The following ARMC9 variants were observed in gnomAD, a reference collection of about 807,000 sequenced individuals.
ARMC9 encodes the protein armadillo repeat containing 9, also known as lisH domain-containing protein ARMC9.
In ARMC9, 94 loss-of-function variants were observed where a neutral mutation model predicts 107.0. The ratio of observed to expected loss-of-function variants is 0.88; its 90% CI spans 0.74 to 1.04. The LOEUF is 1.04. Ranked by LOEUF, ARMC9 falls within the 50% of genes least tolerant of loss-of-function variation. The pLI is 0.00. For synonymous variants in ARMC9, 380 were observed against 396.9 expected, an observed-to-expected ratio of 0.96 and a Z score of 0.51; for missense variants, 942 against 1,030.1, an observed-to-expected ratio of 0.91 and a Z score of 1.17.
intron 16 of ARMC9, among the ~76,000 whole-genome samples, chr2:231,279,876 T>A (rs1024378114): frequency 6.6e-6 from 1 of 152,182 alleles, no homozygotes; most frequent in Non-Finnish European, 1.5e-5. Flanking sequence ...ACACCAGCCC[T>A]ATCCACTGAT....
In ARMC9 at chr2:231,370,105, C is replaced by T; in HGVS notation, c.2414C>T (p.Ser805Phe). ...QQASRPGSTA[S>F]STRGLPSSQS... ...GCCAGCCGCCCCGGCTCCACAGCGT[C>T]CTCCACAAGGGGCCTGCCGAGTAAG... The change falls in exon 24 of 25, where the codon TCC becomes TTC. Residue 805 changes from serine (S) to phenylalanine (F), a missense_variant. Coordinates refer to ENST00000611582, the MANE Select transcript of ARMC9 (RefSeq NM_001352754.2). 1.3e-6 allele frequency: 2 copies of T among 1,532,554 alleles called. No homozygotes were observed. Among genetic ancestry groups the T allele is most frequent in the Non-Finnish European group, 1.7e-6 (2 of 1,144,610 alleles). 94.9% of individuals were successfully genotyped at this position (1,532,554 alleles called of 1,614,324 possible). A position where few individuals can be genotyped will look rare whatever the true frequency, so the allele number is the denominator to read the frequency against.
At chr2:231,365,603 G>A (rs2045781810) in intron 23 of ARMC9, among the ~76,000 whole-genome samples, 1 of 152,118 alleles carries the variant, frequency 6.6e-6, no homozygotes, top group Non-Finnish European at 1.5e-5. Flanking sequence ...ACCCAGAAAG[G>A]GGCAGAGGTG....
At chr2:231,295,591 T>C (rs1159788769) in intron 18 of ARMC9, 1 of 152,318 alleles carries the variant, frequency 6.6e-6, no homozygotes. Context: ...GCTCTTTCTT[T>C]CTGTAACTCC....
At chr2:231,230,915 T>C (rs1260519350) in intron 7 of ARMC9, among the ~76,000 whole-genome samples, 1 of 152,226 alleles carries the variant, frequency 6.6e-6, no homozygotes, top group Non-Finnish European at 1.5e-5. Flanking sequence ...CCCATGGATA[T>C]GGAGTGCTGA....
rs141792853 is a variant in ARMC9, at chr2:231,269,692, T to C, written c.1120-1290T>C. Among the ~76,000 whole-genome samples the C allele has an allele frequency of 5.8e-3, 888 of 152,306 alleles. 9 individuals carry two copies. Among genetic ancestry groups the C allele is most frequent in the African/African-American group, 0.021 (859 of 41,572 alleles). ...CCCTGCCCAGCCTCCCTAGCAGATGTCTTCATCTTTATTTTCTGACCCTTC... is the reference window on the plus strand; with the variant it reads ...CCCTGCCCAGCCTCCCTAGCAGATGCCTTCATCTTTATTTTCTGACCCTTC... On this transcript the variant is annotated intron_variant, in intron 12 of 24. Transcript: ENST00000611582.
rs2039280334 is a variant in ARMC9 at position 231,271,009 on chromosome 2, ACGAG to A, written c.1151_1154del (p.Ser384ThrfsTer38). 6.2e-7 allele frequency: 1 copy of A among 1,614,090 alleles called. No homozygotes were observed. The highest frequency in any genetic ancestry group is 1.1e-5 in the South Asian group (1 of 91,080). On this transcript the variant is annotated frameshift_variant, in exon 13 of 25. Transcript: ENST00000611582. LOFTEE classifies it high-confidence loss of function. ...GAGTGTGCTTCAGTTGCTGCACTCC[ACGAG>A]CGACGTGGTGCGGCAGTACATGGCC...
intron 19 of ARMC9, among the ~76,000 whole-genome samples, chr2:231,300,071 G>A (rs180692714): frequency 3.3e-5 from 5 of 152,330 alleles, no homozygotes; most frequent in African/African-American, 1.2e-4. Flanking sequence ...CACCCCCAGT[G>A]ACTCAGGTTT....
chr2:231,210,985 A>T (rs2032762559), intron 3 of ARMC9, among the ~76,000 whole-genome samples: 1 of 152,200 alleles, frequency 6.6e-6, no homozygotes, highest in South Asian at 2.1e-4. Flanking sequence ...GATATGTCAT[A>T]TAAATGGAAT....
At chr2:231,203,788 C>T (rs905213625) in intron 1 of ARMC9, among the ~76,000 whole-genome samples, 3 of 152,058 alleles carry the variant, frequency 2.0e-5, no homozygotes, top group South Asian at 2.1e-4. Context: ...GGTAAAACCC[C>T]GTCTCTACTA....
At chr2:231,208,305 T>G (rs2032324388) in intron 3 of ARMC9, 53 bp downstream of exon 3, 3 of 1,410,104 alleles carry the variant, frequency 2.1e-6, no homozygotes, top group Non-Finnish European at 3.0e-6. Flanking sequence ...TGCTCCCAAC[T>G]TGTGGAAAAT....
intron 19 of ARMC9, among the ~76,000 whole-genome samples, chr2:231,317,807 T>A (rs2042786402): frequency 1.3e-5 from 2 of 152,202 alleles, no homozygotes; most frequent in Non-Finnish European, 2.9e-5. Flanking sequence ...TCAGTTATTG[T>A]ACTTTTCAGC....
intron 1 of ARMC9, among the ~76,000 whole-genome samples, chr2:231,205,828 T>G (rs1298771147): frequency 6.6e-6 from 1 of 152,184 alleles, no homozygotes; most frequent in East Asian, 1.9e-4. Flanking sequence ...TTTTAGAGGC[T>G]CCTTACCCTC....
chr2:231,220,979 G>T (rs191317289), intron 5 of ARMC9, among the ~76,000 whole-genome samples: 2 of 152,336 alleles, frequency 1.3e-5, no homozygotes, highest in Non-Finnish European at 2.9e-5. Context: ...TCTTCTCTGT[G>T]TGGTTGAGCG....
intron 2 of ARMC9, among the ~76,000 whole-genome samples, chr2:231,206,893 C>A (rs985793915): frequency 7.9e-5 from 12 of 152,250 alleles, no homozygotes; most frequent in Non-Finnish European, 1.6e-4. Flanking sequence ...GAGTAACCAC[C>A]TGCAGGTTGC....
chr2:231,250,196 T>A (rs1241972757), intron 9 of ARMC9, among the ~76,000 whole-genome samples: 3 of 152,204 alleles, frequency 2.0e-5, no homozygotes, highest in Admixed American at 2.0e-4. Context: ...CCACCCCGTG[T>A]TCAGAACCCA....
At chr2:231,347,571 C>T (rs1192511093) in intron 21 of ARMC9, among the ~76,000 whole-genome samples, 1 of 152,218 alleles carries the variant, frequency 6.6e-6, no homozygotes, top group Non-Finnish European at 1.5e-5. Context: ...ACATCATCCT[C>T]TACAGATAAG....
At chr2:231,336,369 G>A (rs1016301749) in intron 20 of ARMC9, among the ~76,000 whole-genome samples, 3 of 152,092 alleles carry the variant, frequency 2.0e-5, no homozygotes, top group Non-Finnish European at 4.4e-5. Flanking sequence ...TCTTCCACTA[G>A]TATCTGCATT....
chr2:231,221,550 C>T (rs1275496690), intron 5 of ARMC9, among the ~76,000 whole-genome samples: 3 of 151,710 alleles, frequency 2.0e-5, no homozygotes, highest in African/African-American at 4.8e-5. Context: ...ACTCTCTGGT[C>T]GGGCATGGTG....
At chr2:231,219,224 G>T (rs1376283648) in intron 5 of ARMC9, among the ~76,000 whole-genome samples, 1 of 151,662 alleles carries the variant, frequency 6.6e-6, no homozygotes, top group Non-Finnish European at 1.5e-5. Context: ...CAATCAGTGT[G>T]TGTAGATTTT....
Sources: gnomAD v4.1 joint callset for allele counts (sites outside exome capture counted in the v4.1 genomes callset) on GRCh38, gnomAD v4.1.1 for gene constraint, MANE v1.5 for transcripts, NCBI Gene and HGNC (gene_info 2026-07-23, HGNC 2026-07-21) for gene names.